ATOH8: variants seen among roughly 807,000 people sequenced by gnomAD.
The protein encoded by ATOH8 is transcription factor ATOH8.
A neutral mutation model predicts 21.2 loss-of-function variants in ATOH8; 9 were observed. That is an observed-to-expected ratio of 0.42 (90% CI 0.26 to 0.74). The LOEUF (loss-of-function observed/expected upper bound fraction) is 0.74. Among genes scored for constraint, ATOH8 ranks in the 30% least tolerant of loss-of-function variants. The probability of loss-of-function intolerance (pLI) is 0.24; values close to 1 mark genes in which losing one functional copy is unlikely to be tolerated. For missense variants in ATOH8, 524 were observed against 470.9 expected, an observed-to-expected ratio of 1.11 and a Z score of -1.04; for synonymous variants, 253 against 224.0, an observed-to-expected ratio of 1.13 and a Z score of -1.16.
At chr2:85,768,258 G>T (rs115942697) in intron 2 of ATOH8, among the ~76,000 whole-genome samples, 1 of 152,142 alleles carries the variant, frequency 6.6e-6, no homozygotes, top group East Asian at 1.9e-4. Context: ...CACGCTTGCC[G>T]CTCCATGTGC....
At chr2:85,758,174 G>C (rs1679769787) in intron 1 of ATOH8, among the ~76,000 whole-genome samples, 1 of 152,208 alleles carries the variant, frequency 6.6e-6, no homozygotes, top group South Asian at 2.1e-4. Flanking sequence ...TTCTTTAATT[G>C]TTTTAATAAC....
chr2:85,771,095 G>A (rs548572380), intron 2 of ATOH8, among the ~76,000 whole-genome samples: 96 of 152,306 alleles, frequency 6.3e-4, no homozygotes, highest in Non-Finnish European at 1.3e-3. Flanking sequence ...TGTGTAGGGT[G>A]GGGGCTAACC....
intron 2 of ATOH8, chr2:85,772,519 A>G (rs1269019067): frequency 5.7e-6 from 2 of 350,058 alleles, no homozygotes; most frequent in South Asian, 2.2e-5. Context: ...CTGGAAGCCC[A>G]AGCACTCAGT....
chr2:85,788,792 C>T lies in ATOH8; in HGVS notation c.*1902C>T, dbSNP rs1680691663. 6.6e-6 allele frequency among the ~76,000 whole-genome samples: 1 copy of T among 152,178 alleles called. No individual in the cohort carries two copies. The highest frequency in any genetic ancestry group is 2.4e-5 in the African/African-American group (1 of 41,446). On this transcript the variant is annotated 3_prime_UTR_variant, in exon 3 of 3. Coordinates refer to ENST00000306279, the MANE Select transcript of ATOH8 (RefSeq NM_032827.7). ...CTGCAGGGAGCCCCCCTTGCAGTAGCGTTTCTCAGGCTGGCCCTTTACCAA... is the reference window on the plus strand; with the variant it reads ...CTGCAGGGAGCCCCCCTTGCAGTAGTGTTTCTCAGGCTGGCCCTTTACCAA...
rs1430684367 is a variant in ATOH8, at chr2:85,789,468, G to A, written c.*2578G>A. 1.3e-5 allele frequency among the ~76,000 whole-genome samples: 2 copies of A among 152,178 alleles called. No homozygotes were observed. Among genetic ancestry groups the A allele is most frequent in the Non-Finnish European group, 2.9e-5 (2 of 68,030 alleles). ...TAACTCTTGGGGAGGTTCTCAGGAA[G>A]GATTTCCCTGGAAAGTAGCCATGGG... On this transcript the variant is annotated 3_prime_UTR_variant, in exon 3 of 3. Coordinates refer to ENST00000306279, the MANE Select transcript of ATOH8 (RefSeq NM_032827.7).
intron 2 of ATOH8, among the ~76,000 whole-genome samples, chr2:85,777,545 G>A (rs1234323066): frequency 2.0e-5 from 3 of 152,236 alleles, no homozygotes; most frequent in Non-Finnish European, 2.9e-5. Flanking sequence ...ACTGATGTTC[G>A]TGGACTTGAC....
chr2:85,773,006 G>A lies in ATOH8; in HGVS notation c.960+8824G>A, dbSNP rs542388359. The stretch of plus-strand genomic sequence containing the variant: ...CTAAGAAAACAGCTGGAGGGGACAT[G>A]GGAGCAAGAAGGTGCTTGGGAGCGC... On this transcript the variant is annotated intron_variant, in intron 2 of 2. Coordinates refer to ENST00000306279, the MANE Select transcript of ATOH8 (RefSeq NM_032827.7). 8.2e-5 allele frequency: 30 copies of A among 366,444 alleles called. 1 individual carries two copies. Among genetic ancestry groups the A allele is most frequent in the South Asian group, 5.7e-4 (27 of 47,286 alleles). 22.7% of individuals were successfully genotyped at this position (366,444 alleles called of 1,614,324 possible).
chr2:85,758,062 C>T lies in ATOH8; in HGVS notation c.768+3105C>T, dbSNP rs115158627. On this transcript the variant is annotated intron_variant, in intron 1 of 2. Coordinates refer to ENST00000306279, the MANE Select transcript of ATOH8 (RefSeq NM_032827.7). ...TCTGTCTCCCAAAGTGCTAGGATTACGGGCATGAGCCACTGTGCACAGCCA... is the reference window on the plus strand; with the variant it reads ...TCTGTCTCCCAAAGTGCTAGGATTATGGGCATGAGCCACTGTGCACAGCCA... Among the ~76,000 whole-genome samples the T allele has an allele frequency of 2.7e-3, 406 of 152,260 alleles. 4 individuals are homozygous for T. The highest frequency in any genetic ancestry group is 9.5e-3 in the African/African-American group (393 of 41,542).
At position 85,754,497 on chromosome 2, in the gene ATOH8, A is replaced by G; in HGVS notation, c.308A>G (p.Glu103Gly). ...GAGCGCGGGGGCTCTCGGGCGCCCG[A>G]GGTCTCCGACGCGCGGAAACGCTGC... The part of the protein sequence containing the change: ...AGERGGSRAP[E>G]VSDARKRCFA... The change falls in exon 1 of 3, where the codon GAG becomes GGG. Residue 103 changes from glutamate to glycine, a missense_variant. Physicochemically the swap from Glu to Gly is moderately conservative, Grantham distance 98. Transcript: ENST00000306279. 7.0e-7 allele frequency: 1 copy of G among 1,434,636 alleles called. No homozygotes were observed. Among genetic ancestry groups the G allele is most frequent in the Non-Finnish European group, 9.1e-7 (1 of 1,103,810 alleles). 88.9% of individuals were successfully genotyped at this position (1,434,636 alleles called of 1,614,324 possible).
Position 85,766,834 on chromosome 2 carries a change from G to C in ATOH8, c.960+2652G>C, listed in dbSNP as rs1680030234. ...TGTCTGTCTACCTGTCTTTCTCTCTGAGTCTGGCTCACACTGTTCCCCTCT... is the reference window on the plus strand; with the variant it reads ...TGTCTGTCTACCTGTCTTTCTCTCTCAGTCTGGCTCACACTGTTCCCCTCT... On this transcript the variant is annotated intron_variant, in intron 2 of 2. Transcript: ENST00000306279. The surrounding 1 kb of genome is among the most constrained non-coding windows in gnomAD (Gnocchi z 4.0). Among the ~76,000 whole-genome samples the C allele has an allele frequency of 6.6e-6, 1 of 152,108 alleles. No homozygotes were observed. The highest frequency in any genetic ancestry group is 2.1e-4 in the South Asian group (1 of 4,828).
Position 85,776,950 on chromosome 2 carries a change from A to C in ATOH8, c.961-9935A>C, listed in dbSNP as rs112124824. ...TTCCTGCCACCACCACGTACACACGAGTCCCTGCCACCACAGCCCACCCAC... is the reference window on the plus strand; with the variant it reads ...TTCCTGCCACCACCACGTACACACGCGTCCCTGCCACCACAGCCCACCCAC... On this transcript the variant is annotated intron_variant, in intron 2 of 2. Coordinates refer to ENST00000306279, the MANE Select transcript of ATOH8 (RefSeq NM_032827.7). 7.0e-3 allele frequency among the ~76,000 whole-genome samples: 1,071 copies of C among 152,150 alleles called. 13 individuals are homozygous for C. Among genetic ancestry groups the C allele is most frequent in the African/African-American group, 0.024 (1,005 of 41,494 alleles).
chr2:85,773,078 TC>T (rs2104521566), intron 2 of ATOH8: 1 of 354,922 alleles, frequency 2.8e-6, no homozygotes, highest in Non-Finnish European at 5.5e-6. Flanking sequence ...GCAGAGTCAT[TC>T]CGCCGTCACC....
intron 2 of ATOH8, chr2:85,775,292 C>T: frequency 1.0e-6 from 1 of 985,280 alleles, no homozygotes; most frequent in Non-Finnish European, 1.2e-6. Flanking sequence ...ATTCTTTCCA[C>T]TAAAATCCAC....
chr2:85,758,838 G>T (rs1011622907), intron 1 of ATOH8, among the ~76,000 whole-genome samples: 21 of 152,234 alleles, frequency 1.4e-4, no homozygotes, highest in African/African-American at 4.8e-4. Flanking sequence ...GAGTGGGGCT[G>T]CTCCCTGCCA....
In ATOH8 at chr2:85,789,238, T is replaced by C. The variant is rs895589816; in HGVS notation, c.*2348T>C. ...ATACATACTTCATTACATGTTTCCC[T>C]TTCATTCTGAAGCATCATTGATGAC... On this transcript the variant is annotated 3_prime_UTR_variant, in exon 3 of 3. Transcript: ENST00000306279. Among the ~76,000 whole-genome samples, 7 of 152,174 alleles carry C rather than the reference T, an allele frequency of 4.6e-5. No individual in the cohort carries two copies. Among genetic ancestry groups the C allele is most frequent in the Non-Finnish European group, 1.0e-4 (7 of 68,046 alleles).
chr2:85,786,585 G>GC (rs1680626350), intron 2 of ATOH8, among the ~76,000 whole-genome samples: 1 of 152,194 alleles, frequency 6.6e-6, no homozygotes, highest in Non-Finnish European at 1.5e-5. Context: ...TGTGGTGTCA[G>GC]CCCCAGGTGT....
In ATOH8 at chr2:85,782,510, C is replaced by T. The variant is rs576355305; in HGVS notation, c.961-4375C>T. ...AAAGCATAAAGGTTGCTAAATTGTTCCAGGGTTCATAACAATTACCACAAC... is the reference window on the plus strand; with the variant it reads ...AAAGCATAAAGGTTGCTAAATTGTTTCAGGGTTCATAACAATTACCACAAC... On this transcript the variant is annotated intron_variant, in intron 2 of 2. Coordinates refer to ENST00000306279, the MANE Select transcript of ATOH8 (RefSeq NM_032827.7). Among the ~76,000 whole-genome samples the T allele has an allele frequency of 5.5e-4, 83 of 151,826 alleles. 1 individual carries two copies. Among genetic ancestry groups the T allele is most frequent in the Admixed American group, 2.3e-3 (35 of 15,262 alleles).
At chr2:85,769,138 A>G (rs1308069198) in intron 2 of ATOH8, among the ~76,000 whole-genome samples, 1 of 152,066 alleles carries the variant, frequency 6.6e-6, no homozygotes, top group Non-Finnish European at 1.5e-5. Context: ...TCTATGGAAT[A>G]GGAAAGCACT....
chr2:85,764,397 G>A (rs565674515), intron 2 of ATOH8, among the ~76,000 whole-genome samples: 33 of 152,286 alleles, frequency 2.2e-4, no homozygotes, highest in African/African-American at 7.2e-4. Flanking sequence ...GGGTGACCTC[G>A]AACAGTCACC....
Sources: gnomAD v4.1 joint callset for allele counts (sites outside exome capture counted in the v4.1 genomes callset) on GRCh38, gnomAD v4.1.1 for gene constraint, Gnocchi (gnomAD v3.1) non-coding constraint, MANE v1.5 for transcripts, NCBI Gene and HGNC (gene_info 2026-07-23, HGNC 2026-07-21) for gene names.